The following SYT16 variants were observed in gnomAD, a reference collection of about 807,000 sequenced individuals.
SYT16 encodes synaptotagmin 16, also known as synaptotagmin-16.
A neutral mutation model predicts 61.4 loss-of-function variants in SYT16; 42 were observed. The ratio of observed to expected loss-of-function variants is 0.68; its 90% confidence interval spans 0.53 to 0.89. SYT16 has a LOEUF of 0.89. Among genes scored for constraint, SYT16 ranks in the 40% least tolerant of loss-of-function variants. SYT16 has a pLI of 0.00. For synonymous variants in SYT16, 314 were observed against 302.3 expected (o/e 1.04, Z -0.40); for missense variants, 804 against 807.3 (o/e 1.00, Z 0.05).
intron 1 of SYT16, among the ~76,000 whole-genome samples, chr14:61,962,223 A>G (rs1256783019): frequency 6.6e-6 from 1 of 152,134 alleles, no homozygotes; most frequent in Non-Finnish European, 1.5e-5. Context: ...GTGACATGCC[A>G]ATTTAGCTAT....
At chr14:62,090,158 C>T (rs1227127684) in intron 7 of SYT16, among the ~76,000 whole-genome samples, 1 of 152,212 alleles carries the variant, frequency 6.6e-6, no homozygotes, top group African/African-American at 2.4e-5. Flanking sequence ...TTTGCTATGT[C>T]TCCTTCTACA....
At chr14:62,026,682 G>A (rs989231136) in intron 3 of SYT16, among the ~76,000 whole-genome samples, 24 of 152,176 alleles carry the variant, frequency 1.6e-4, no homozygotes, top group African/African-American at 5.8e-4. Flanking sequence ...AGAGGCAGCA[G>A]CATGTCTGTC....
chr14:61,982,708 C>T (rs2052136941), intron 2 of SYT16, among the ~76,000 whole-genome samples: 1 of 152,040 alleles, frequency 6.6e-6, no homozygotes, highest in Non-Finnish European at 1.5e-5. Flanking sequence ...ACTATCTCCC[C>T]CTACTTTATG....
chr14:61,824,947 TA>T (rs1160214083), intron 1 of SYT16, among the ~76,000 whole-genome samples: 1 of 152,258 alleles, frequency 6.6e-6, no homozygotes, highest in Non-Finnish European at 1.5e-5. Context: ...GCTTCTGTTT[TA>T]AAAATGTCTC....
rs911986261 is a variant in SYT16 at position 62,069,656 on chromosome 14, G to A, written c.577G>A (p.Glu193Lys). Residue 193 changes from glutamate to lysine, a missense_variant, in exon 4 of 8, where the codon GAG (glutamate) becomes AAG (lysine). By Grantham distance (56) the Glu-to-Lys change is moderately conservative. Transcript: ENST00000683842. ...ELSTSSDSDEEVIKQFEISVS... is the reference protein window; with the variant it reads ...ELSTSSDSDEKVIKQFEISVS... ...GTCCACATCTTCTGACAGTGACGAGGAGGTGATCAAACAATTTGAGATTTC... is the reference window on the plus strand; with the variant it reads ...GTCCACATCTTCTGACAGTGACGAGAAGGTGATCAAACAATTTGAGATTTC... 1.2e-6 allele frequency: 2 copies of A among 1,613,992 alleles called. No individual in the cohort carries two copies. Among genetic ancestry groups the A allele is most frequent in the Middle Eastern group, 1.6e-4 (1 of 6,062 alleles).
chr14:61,920,038 G>A (rs1016810424), intron 1 of SYT16, among the ~76,000 whole-genome samples: 4 of 152,142 alleles, frequency 2.6e-5, no homozygotes, highest in African/African-American at 9.7e-5. Context: ...AACTGCTGGA[G>A]ATTTCTGCAT....
chr14:62,061,190 G>A (rs962605509), intron 3 of SYT16, among the ~76,000 whole-genome samples: 9 of 152,100 alleles, frequency 5.9e-5, no homozygotes, highest in Non-Finnish European at 1.0e-4. Flanking sequence ...AAAATAGACT[G>A]TGATTCACTT....
At position 62,105,096 on chromosome 14, in the gene SYT16, A is replaced by C. The variant is rs542961182; in HGVS notation, c.*4389A>C. The C allele has an allele frequency of 6.6e-6, 1 of 152,342 alleles. No individual in the cohort carries two copies. The highest frequency in any genetic ancestry group is 2.1e-4 in the South Asian group (1 of 4,834). The allele number at this position is 152,342 out of a possible 1,614,324, so 9.4% of individuals were successfully genotyped here. ...GGCTTCATCAGGACAGCCTAATCAG[A>C]GATAAGCCTGGTATGTGGAGGAAAT... On this transcript the variant is annotated 3_prime_UTR_variant, in exon 8 of 8. Transcript: ENST00000683842.
chr14:61,852,552 A>G (rs1453764078), intron 1 of SYT16, among the ~76,000 whole-genome samples: 1 of 152,232 alleles, frequency 6.6e-6, no homozygotes, highest in Non-Finnish European at 1.5e-5. Context: ...ATCCAAGAGC[A>G]TGGAATGTTT....
At chr14:61,870,218 G>C (rs1234317769) in intron 1 of SYT16, among the ~76,000 whole-genome samples, 1 of 152,032 alleles carries the variant, frequency 6.6e-6, no homozygotes, top group Non-Finnish European at 1.5e-5. Context: ...TTTCATTTTT[G>C]AAGGATATTT....
chr14:61,901,935 T>C (rs1450696645), intron 1 of SYT16, among the ~76,000 whole-genome samples: 2 of 152,010 alleles, frequency 1.3e-5, no homozygotes, highest in African/African-American at 4.8e-5. Flanking sequence ...CTAATTTTTA[T>C]ATTTTTAGTA....
chr14:62,082,378 C>G (rs903782108), intron 6 of SYT16, among the ~76,000 whole-genome samples: 1 of 152,136 alleles, frequency 6.6e-6, no homozygotes, highest in Non-Finnish European at 1.5e-5. Context: ...GCAGTCTTCT[C>G]CATGTTGCTT....
intron 1 of SYT16, among the ~76,000 whole-genome samples, chr14:61,899,543 C>T (rs558540371): frequency 6.6e-6 from 1 of 152,202 alleles, no homozygotes; most frequent in South Asian, 2.1e-4. Flanking sequence ...TTGAAAGGTA[C>T]AAAGCATCAG....
chr14:61,912,955 A>G (rs901248058), intron 1 of SYT16, among the ~76,000 whole-genome samples: 1 of 152,218 alleles, frequency 6.6e-6, no homozygotes, highest in Admixed American at 6.5e-5. Flanking sequence ...TGGGATAGAA[A>G]CATGAGGTAC....
At chr14:61,943,919 A>G (rs2050314901) in intron 1 of SYT16, among the ~76,000 whole-genome samples, 1 of 152,336 alleles carries the variant, frequency 6.6e-6, no homozygotes, top group African/African-American at 2.4e-5. Flanking sequence ...AGGGTATTCA[A>G]ATAGGAAGAG....
At chr14:61,917,651 C>CTT (rs36035060) in intron 1 of SYT16, among the ~76,000 whole-genome samples, 2 of 151,096 alleles carry the variant, frequency 1.3e-5, no homozygotes, top group East Asian at 1.9e-4. Flanking sequence ...TGTGAAACCA[C>CTT]TTTTTTTTTG....
rs193277448 is a variant in SYT16, at chr14:61,927,038, T to G, written c.-324-43094T>G. On this transcript the variant is annotated intron_variant, in intron 1 of 7. Transcript: ENST00000683842. ...CTGTATGAAACAGGAAAATTAAAAA[T>G]CTGTTACAACTCAGCAACAGTGGTC... 2.2e-4 allele frequency among the ~76,000 whole-genome samples: 34 copies of G among 152,322 alleles called. 1 individual carries two copies. The highest frequency in any genetic ancestry group is 4.9e-4 in the Non-Finnish European group (33 of 68,022).
Position 62,075,376 on chromosome 14 carries a change from C to G in SYT16, c.978C>G (p.Ser326=). The G allele has an allele frequency of 6.2e-7, 1 of 1,611,644 alleles. No homozygotes were observed. The highest frequency in any genetic ancestry group is 2.2e-5 in the East Asian group (1 of 44,774). ...ATTCCTATGCCACTGACAGCTCCTC[C>G]ATGTGGAGTCCAGAGGCAAGTTATT... ...FEDSYATDSS[S]MWSPEEQDRT... The change falls in exon 5 of 8, where the codon TCC becomes TCG. Residue 326 remains serine, a synonymous_variant. Transcript: ENST00000683842.
intron 3 of SYT16, among the ~76,000 whole-genome samples, chr14:62,000,183 C>G (rs2052953332): frequency 8.1e-6 from 1 of 122,994 alleles, no homozygotes; most frequent in African/African-American, 3.1e-5. Context: ...AAGTCTGTAA[C>G]TCTGTGGATT....
Sources: gnomAD v4.1 joint callset for allele counts (sites outside exome capture counted in the v4.1 genomes callset) on GRCh38, gnomAD v4.1.1 for gene constraint, MANE v1.5 for transcripts, NCBI Gene and HGNC (gene_info 2026-07-23, HGNC 2026-07-21) for gene names.